STX3: variants seen among roughly 807,000 people sequenced by gnomAD.
STX3 encodes syntaxin 3, also known as syntaxin-3.
Under a neutral mutation model 40.2 loss-of-function variants are expected in STX3, and 19 were observed. The observed-to-expected ratio is 0.47, with a 90% CI of 0.33 to 0.69. STX3 has a LOEUF of 0.69. Ranked by LOEUF, STX3 falls within the 30% of genes least tolerant of loss-of-function variation. The pLI, the probability that STX3 is intolerant of heterozygous loss-of-function variation, is 0.02. For synonymous variants in STX3, 122 were observed against 132.2 expected, an observed-to-expected ratio of 0.92 and a Z score of 0.53; for missense variants, 364 against 366.7, an observed-to-expected ratio of 0.99 and a Z score of 0.06.
intron 6 of STX3, 80 bp from the exon 7 acceptor site, chr11:59,793,019 G>A (rs1159515043): frequency 2.3e-5 from 33 of 1,431,162 alleles, no homozygotes; most frequent in South Asian, 1.3e-4. Context: ...GGGAAGTCAC[G>A]TTCCTAATTT....
At chr11:59,777,227 C>G (rs1414128702) in intron 2 of STX3, among the ~76,000 whole-genome samples, 1 of 152,226 alleles carries the variant, frequency 6.6e-6, no homozygotes, top group Non-Finnish European at 1.5e-5. Flanking sequence ...GAAGATTTCC[C>G]TGGTTCTTAA....
At chr11:59,780,701 T>C (rs535451953) in intron 2 of STX3, among the ~76,000 whole-genome samples, 102 of 152,320 alleles carry the variant, frequency 6.7e-4, no homozygotes, top group South Asian at 1.9e-3. Context: ...TGACCCTGCC[T>C]TCCTTCTCTT....
chr11:59,772,443 GA>G (rs1273391324), intron 1 of STX3, among the ~76,000 whole-genome samples: 4 of 152,200 alleles, frequency 2.6e-5, no homozygotes, highest in African/African-American at 9.7e-5. Flanking sequence ...GGGGCCGGGG[GA>G]GAGCTTCCTC....
rs1198446744 is a variant in STX3 at position 59,804,140 on chromosome 11, G to A, written c.*3316G>A. On this transcript the variant is annotated 3_prime_UTR_variant, in exon 11 of 11. Transcript: ENST00000337979. ...CTTTAGGAAGTGACACAGCCTGCAT[G>A]TGCAGTATGGCTGTGAAGGGGCAGA... The A allele has an allele frequency of 3.3e-5, 5 of 152,260 alleles. No individual in the cohort carries two copies. The highest frequency in any genetic ancestry group is 9.7e-5 in the African/African-American group (4 of 41,434). 9.4% of individuals were successfully genotyped at this position (152,260 alleles called of 1,614,324 possible).
chr11:59,763,889 A>G (rs1863157757), intron 1 of STX3, among the ~76,000 whole-genome samples: 1 of 152,104 alleles, frequency 6.6e-6, no homozygotes, highest in African/African-American at 2.4e-5. Flanking sequence ...ATGGTGGCGC[A>G]TGCCTGTAAT....
intron 1 of STX3, among the ~76,000 whole-genome samples, chr11:59,771,866 G>A (rs897058900): frequency 6.6e-6 from 1 of 152,144 alleles, no homozygotes; most frequent in Non-Finnish European, 1.5e-5. Context: ...TCTGAGTTTA[G>A]GGAAGTTGAT....
intron 1 of STX3, 89 bp downstream of exon 1, chr11:59,755,724 G>C: frequency 7.0e-7 from 1 of 1,432,318 alleles, no homozygotes; most frequent in Non-Finnish European, 9.2e-7. Flanking sequence ...GGCTGGAGGG[G>C]GGCCCGAGCC....
intron 4 of STX3, 189 bp downstream of exon 4, chr11:59,789,136 C>T (rs879795385): frequency 3.1e-5 from 16 of 508,914 alleles, no homozygotes; most frequent in Admixed American, 1.0e-4. Context: ...TTCTTAAATC[C>T]TGACTGTACT....
chr11:59,781,770 G>A (rs1459244727), intron 2 of STX3: 1 of 1,525,550 alleles, frequency 6.6e-7, no homozygotes, highest in Non-Finnish European at 8.9e-7. Flanking sequence ...GTTTTCTAAA[G>A]CAAAGAAGCA....
intron 2 of STX3, among the ~76,000 whole-genome samples, chr11:59,774,803 C>T (rs997408040): frequency 6.6e-6 from 1 of 152,272 alleles, no homozygotes. Flanking sequence ...TGCACTCCAG[C>T]CTGGGTGACA....
At chr11:59,778,836 T>TC (rs2134956627) in intron 2 of STX3, among the ~76,000 whole-genome samples, 1 of 150,298 alleles carries the variant, frequency 6.7e-6, no homozygotes, top group African/African-American at 2.4e-5. Flanking sequence ...TTTTCCTTTT[T>TC]TTTTTTTTTT....
intron 8 of STX3, among the ~76,000 whole-genome samples, chr11:59,794,183 C>G (rs917082942): frequency 1.3e-5 from 2 of 152,014 alleles, no homozygotes; most frequent in African/African-American, 4.8e-5. Flanking sequence ...ATAGCATTGA[C>G]AGAAAGACTC....
Position 59,803,217 on chromosome 11 carries a change from G to A in STX3, c.*2393G>A. 8.1e-7 allele frequency: 1 copy of A among 1,231,396 alleles called. No homozygotes were observed. The allele number at this position is 1,231,396 out of a possible 1,614,324, so 76.3% of individuals were successfully genotyped here. On this transcript the variant is annotated 3_prime_UTR_variant, in exon 11 of 11. Coordinates refer to ENST00000337979, the MANE Select transcript of STX3 (RefSeq NM_004177.5). ...CTTTCTTTCCTTGTCTGGATGAGCA[G>A]AAGAAGATCATGATCATGATCTGCT...
At chr11:59,770,531 G>A (rs757942157) in intron 1 of STX3, among the ~76,000 whole-genome samples, 16 of 152,028 alleles carry the variant, frequency 1.1e-4, no homozygotes, top group Non-Finnish European at 2.1e-4. Context: ...GGAAGACCGG[G>A]TCACAGTGAA....
intron 5 of STX3, among the ~76,000 whole-genome samples, chr11:59,790,996 T>A (rs1262853045): frequency 6.6e-6 from 1 of 151,036 alleles, no homozygotes; most frequent in East Asian, 1.9e-4. Context: ...CATGGAAAGC[T>A]ATTACCTAAG....
intron 4 of STX3, 125 bp downstream of exon 4, chr11:59,789,072 G>C (rs1474247856): frequency 7.1e-6 from 6 of 842,674 alleles, no homozygotes; most frequent in African/African-American, 1.7e-5. Flanking sequence ...ATCTTTGCTT[G>C]TGGTTTGGGC....
rs554243456 is a variant in STX3 at position 59,791,192 on chromosome 11, C to T, written c.357+606C>T. 2.6e-4 allele frequency among the ~76,000 whole-genome samples: 40 copies of T among 152,084 alleles called. 1 individual carries two copies. Among genetic ancestry groups the T allele is most frequent in the Non-Finnish European group, 2.8e-4 (19 of 68,028 alleles). On this transcript the variant is annotated intron_variant, in intron 5 of 10. Coordinates refer to ENST00000337979, the MANE Select transcript of STX3 (RefSeq NM_004177.5). ...GAGGCACAGGGGCAGGAGTGAGGCA[C>T]GCACATATGTGTGTGTTGGCAGCAG...
upstream of STX3, chr11:59,754,804 T>G (rs1862623663): frequency 6.6e-6 from 1 of 152,180 alleles, no homozygotes; most frequent in Non-Finnish European, 1.5e-5. Context: ...TCGAGCTGCT[T>G]ACGTTTCTCG....
chr11:59,781,165 T>C (rs1223437224), intron 2 of STX3, among the ~76,000 whole-genome samples: 1 of 150,028 alleles, frequency 6.7e-6, no homozygotes, highest in Non-Finnish European at 1.5e-5. Context: ...CAACACACTT[T>C]GAAATAGCTG....
Sources: gnomAD v4.1 joint callset for allele counts (sites outside exome capture counted in the v4.1 genomes callset) on GRCh38, gnomAD v4.1.1 for gene constraint, MANE v1.5 for transcripts, NCBI Gene and HGNC (gene_info 2026-07-23, HGNC 2026-07-21) for gene names.